Variants in FRMD5 observed in about 807,000 individuals in gnomAD.
The protein encoded by FRMD5 is FERM domain containing 5.
In FRMD5, 20 loss-of-function variants were observed where a neutral mutation model predicts 69.0. That is an observed-to-expected ratio of 0.29 (90% CI 0.20 to 0.42). The LOEUF (loss-of-function observed/expected upper bound fraction) is 0.42. Ranked by LOEUF, FRMD5 falls within the 10% of genes least tolerant of loss-of-function variation. FRMD5 has a pLI of 1.00. For synonymous variants in FRMD5, 271 were observed against 260.1 expected, an observed-to-expected ratio of 1.04 and a Z score of -0.40; for missense variants, 595 against 708.6, an observed-to-expected ratio of 0.84 and a Z score of 1.82.
chr15:44,027,107 T>C (rs1349011478), intron 1 of FRMD5, among the ~76,000 whole-genome samples: 2 of 152,206 alleles, frequency 1.3e-5, no homozygotes, highest in Admixed American at 6.5e-5. Flanking sequence ...CTGTGGACAA[T>C]GACCCTGGGA....
chr15:44,161,750 C>T (rs2140500902), intron 1 of FRMD5, among the ~76,000 whole-genome samples: 1 of 152,232 alleles, frequency 6.6e-6, no homozygotes, highest in East Asian at 1.9e-4. Flanking sequence ...CCAAATGTTC[C>T]AAGTTCCAAA....
At chr15:44,077,100 A>AT (rs1566934549) in intron 1 of FRMD5, among the ~76,000 whole-genome samples, 1 of 152,036 alleles carries the variant, frequency 6.6e-6, no homozygotes, top group Non-Finnish European at 1.5e-5. Flanking sequence ...CTCTTGGAAC[A>AT]TTTTCCCTGG....
chr15:43,939,054 A>G (rs2089815306), intron 1 of FRMD5, among the ~76,000 whole-genome samples: 1 of 151,100 alleles, frequency 6.6e-6, no homozygotes. Flanking sequence ...TATTTTTAGT[A>G]GAGATGGAGT....
At chr15:44,076,972 G>A (rs1408802141) in intron 1 of FRMD5, among the ~76,000 whole-genome samples, 2 of 151,866 alleles carry the variant, frequency 1.3e-5, no homozygotes, top group Non-Finnish European at 2.9e-5. Context: ...AGATTCATCT[G>A]CTTGGCTAGC....
At chr15:44,124,518 C>T (rs547663792) in intron 1 of FRMD5, among the ~76,000 whole-genome samples, 17 of 151,394 alleles carry the variant, frequency 1.1e-4, no homozygotes, top group African/African-American at 3.4e-4. Flanking sequence ...GCTAACACGG[C>T]GAAACCCTGT....
At position 43,888,268 on chromosome 15, in the gene FRMD5, T is replaced by A; in HGVS notation, c.793-2A>T. On this transcript the variant is annotated splice_acceptor_variant, in intron 9 of 13. Coordinates refer to ENST00000417257, the MANE Select transcript of FRMD5 (RefSeq NM_032892.5). LOFTEE classifies it high-confidence loss of function. ...ATATGTAAGAATAATTTTCTTTTCC[T>A]GCAAAAAATTCCACATTGATATGGC... The A allele has an allele frequency of 6.2e-7, 1 of 1,607,466 alleles. No homozygotes were observed. Among genetic ancestry groups the A allele is most frequent in the Non-Finnish European group, 8.5e-7 (1 of 1,174,102 alleles).
chr15:44,087,843 C>G (rs1015094028), intron 1 of FRMD5, among the ~76,000 whole-genome samples: 5 of 151,862 alleles, frequency 3.3e-5, no homozygotes, highest in African/African-American at 1.2e-4. Context: ...GGTGTTCCAG[C>G]CCAGCAATGT....
intron 1 of FRMD5, among the ~76,000 whole-genome samples, chr15:44,142,331 A>T (rs1426657): frequency 0.82 from 124,681 of 152,164 alleles, 53,625 homozygotes; most frequent in Non-Finnish European, 0.94. Context: ...GCCAATCTAC[A>T]AAGCTTTTCA....
intron 13 of FRMD5, among the ~76,000 whole-genome samples, chr15:43,882,878 C>G (rs1484928984): frequency 6.6e-6 from 1 of 152,056 alleles, no homozygotes; most frequent in African/African-American, 2.4e-5. Context: ...GGGCTCACTG[C>G]AGCCTCCACC....
intron 1 of FRMD5, among the ~76,000 whole-genome samples, chr15:44,061,125 C>T (rs2140379384): frequency 6.6e-6 from 1 of 152,302 alleles, no homozygotes; most frequent in African/African-American, 2.4e-5. Flanking sequence ...CACAAAGATA[C>T]ATCAATGGGG....
rs1415377839 is a variant in FRMD5, at chr15:43,999,936, TATATATATATGCCATGC to T, written c.103-75644_103-75628del. ...GTGTGTGTGTATGTATATATATATA[TATATATATATGCCATGC>T]ATATATATATATATATATATATATA... On this transcript the variant is annotated intron_variant, in intron 1 of 13. Coordinates refer to ENST00000417257, the MANE Select transcript of FRMD5 (RefSeq NM_032892.5). Among the ~76,000 whole-genome samples, 177 of 138,316 alleles carry T rather than the reference TATATATATATGCCATGC, an allele frequency of 1.3e-3. 1 individual carries two copies. Among genetic ancestry groups the T allele is most frequent in the East Asian group, 7.6e-3 (37 of 4,882 alleles). 90.7% of individuals were successfully genotyped at this position (138,316 alleles called of 152,430 possible).
At chr15:44,062,619 G>C (rs1483007180) in intron 1 of FRMD5, among the ~76,000 whole-genome samples, 10 of 151,470 alleles carry the variant, frequency 6.6e-5, no homozygotes. Context: ...GAACCTGGGA[G>C]GCAGAGGCTG....
chr15:43,932,256 A>G (rs2089688753), intron 1 of FRMD5, among the ~76,000 whole-genome samples: 1 of 152,226 alleles, frequency 6.6e-6, no homozygotes, highest in Non-Finnish European at 1.5e-5. Context: ...TCCCTGGACA[A>G]GAATGCATGA....
intron 1 of FRMD5, among the ~76,000 whole-genome samples, chr15:44,180,504 G>T (rs1156709374): frequency 6.6e-6 from 1 of 152,094 alleles, no homozygotes; most frequent in African/African-American, 2.4e-5. Flanking sequence ...AAGAATACTG[G>T]CCAGGCGCGG....
At chr15:44,055,124 G>A (rs539415690) in intron 1 of FRMD5, among the ~76,000 whole-genome samples, 21 of 151,812 alleles carry the variant, frequency 1.4e-4, no homozygotes, top group Non-Finnish European at 2.9e-4. Context: ...CACAGTTTGT[G>A]CACTGCTCAA....
intron 1 of FRMD5, among the ~76,000 whole-genome samples, chr15:43,994,334 G>A (rs997566115): frequency 7.2e-5 from 11 of 152,052 alleles, no homozygotes; most frequent in African/African-American, 9.7e-5. Flanking sequence ...CTTTGAATGC[G>A]TAAAAAAACT....
intron 2 of FRMD5, among the ~76,000 whole-genome samples, chr15:43,921,176 G>A (rs554038522): frequency 1.3e-3 from 201 of 152,260 alleles, no homozygotes; most frequent in South Asian, 3.5e-3. Context: ...AAACAACTGG[G>A]GTTCCAGGGT....
chr15:44,107,162 A>G (rs1237511495), intron 1 of FRMD5, among the ~76,000 whole-genome samples: 4 of 152,192 alleles, frequency 2.6e-5, no homozygotes, highest in African/African-American at 9.7e-5. Flanking sequence ...CAAACGAAAT[A>G]TTTGAGAAGG....
chr15:43,984,517 A>G (rs1889290774), intron 1 of FRMD5, among the ~76,000 whole-genome samples: 1 of 152,112 alleles, frequency 6.6e-6, no homozygotes, highest in Non-Finnish European at 1.5e-5. Context: ...TACCTCAACA[A>G]TCCTTGTCAC....
Sources: gnomAD v4.1 joint callset for allele counts (sites outside exome capture counted in the v4.1 genomes callset) on GRCh38, gnomAD v4.1.1 for gene constraint, MANE v1.5 for transcripts, NCBI Gene and HGNC (gene_info 2026-07-23, HGNC 2026-07-21) for gene names.